The following AFAP1L2 variants were observed in gnomAD, a reference collection of about 807,000 sequenced individuals.
The protein encoded by AFAP1L2 is actin filament-associated protein 1-like 2.
A neutral mutation model predicts 99.3 loss-of-function variants in AFAP1L2; 46 were observed. The ratio of observed to expected loss-of-function variants is 0.46; its 90% CI spans 0.37 to 0.59. The LOEUF is 0.59. Among genes scored for constraint, AFAP1L2 ranks in the 20% least tolerant of loss-of-function variants. The pLI, the probability that AFAP1L2 is intolerant of heterozygous loss-of-function variation, is 0.00. For missense variants in AFAP1L2, 959 were observed against 1,034.9 expected (o/e 0.93, Z 1.01); for synonymous variants, 397 against 419.1 (o/e 0.95, Z 0.64).
Position 114,355,256 on chromosome 10 carries a change from C to CTTT in AFAP1L2, c.17-14528_17-14526dup, listed in dbSNP as rs35562783. ...AGAAGCCTTTCTCTTCTCGCTCTCT[C>CTTT]TTTTTTTTTTTTTTTTGAGACGGAG... On this transcript the variant is annotated intron_variant, in intron 1 of 18. Coordinates refer to ENST00000304129, the MANE Select transcript of AFAP1L2 (RefSeq NM_001001936.3). Among the ~76,000 whole-genome samples the CTTT allele has an allele frequency of 5.3e-5, 7 of 133,118 alleles. 1 individual carries two copies. The highest frequency in any genetic ancestry group is 7.5e-5 in the Admixed American group (1 of 13,332). 87.3% of individuals were successfully genotyped at this position (133,118 alleles called of 152,430 possible). A position where few individuals can be genotyped will look rare whatever the true frequency, so the allele number is the denominator to read the frequency against.
intron 1 of AFAP1L2, among the ~76,000 whole-genome samples, chr10:114,383,742 T>C (rs111689209): frequency 0.017 from 2,603 of 152,270 alleles, 87 homozygotes; most frequent in African/African-American, 0.059. Flanking sequence ...GTTTACCACA[T>C]TGGGTCCAAC....
the AFAP1L2 span, chr10:114,281,626 T>C: frequency 1.8e-6 from 1 of 547,198 alleles, no homozygotes; most frequent in Non-Finnish European, 2.3e-6. Flanking sequence ...TCCAGTGGCT[T>C]ACATGTCTTG....
In AFAP1L2 at chr10:114,314,867, G is replaced by A. The variant is rs566082267; in HGVS notation, c.612+693C>T. Among the ~76,000 whole-genome samples the A allele has an allele frequency of 3.9e-5, 6 of 152,304 alleles. No individual in the cohort carries two copies. The East Asian group carries it at 9.6e-4, about 24-fold the overall frequency. On this transcript the variant is annotated intron_variant, in intron 6 of 18. Transcript: ENST00000304129. ...AGATAAAAACAGTAGCCAGGGCTGG[G>A]CGCAGTGGCTCACGCCTGTAAACCC...
intron 1 of AFAP1L2, among the ~76,000 whole-genome samples, chr10:114,344,596 G>C (rs1255385548): frequency 6.6e-6 from 1 of 152,186 alleles, no homozygotes; most frequent in African/African-American, 2.4e-5. Context: ...CTGGCCCTGG[G>C]GAAACAAAGG....
At chr10:114,316,763 A>C (rs755048058) in intron 5 of AFAP1L2, among the ~76,000 whole-genome samples, 42 of 152,176 alleles carry the variant, frequency 2.8e-4, no homozygotes, top group South Asian at 8.3e-4. Context: ...CTCTCTCTCT[A>C]TTCATCCATC....
Position 114,375,736 on chromosome 10 carries a change from G to C in AFAP1L2, c.16+28704C>G, listed in dbSNP as rs565624632. 1.1e-4 allele frequency among the ~76,000 whole-genome samples: 17 copies of C among 152,300 alleles called. No homozygotes were observed. In the East Asian group the frequency reaches 3.1e-3, roughly 28 times the overall value. On this transcript the variant is annotated intron_variant, in intron 1 of 18. Coordinates refer to ENST00000304129, the MANE Select transcript of AFAP1L2 (RefSeq NM_001001936.3). The stretch of plus-strand genomic sequence containing the variant: ...CACCTGTAATTCCAACATTTTTGAA[G>C]GATAAGGAGGGAGGATTGCTTGAGT...
At chr10:114,370,900 C>T (rs2054002754) in intron 1 of AFAP1L2, among the ~76,000 whole-genome samples, 1 of 152,348 alleles carries the variant, frequency 6.6e-6, no homozygotes, top group East Asian at 1.9e-4. Context: ...TTCCATAAAT[C>T]CCATGTAACC....
Position 114,350,364 on chromosome 10 carries a change from G to T in AFAP1L2, c.17-9633C>A, listed in dbSNP as rs1452656702. The stretch of plus-strand genomic sequence containing the variant: ...GTTGTCCCATGGATGCAAGTCCTTT[G>T]TCCCCAAATGAAATTGAAACTTCTG... On this transcript the variant is annotated intron_variant, in intron 1 of 18. Transcript: ENST00000304129. Among the ~76,000 whole-genome samples, 3 of 152,156 alleles carry T rather than the reference G, an allele frequency of 2.0e-5. No individual in the cohort carries two copies. The East Asian group carries it at 5.8e-4, about 29-fold the overall frequency.
At chr10:114,334,517 C>G (rs2047654565) in intron 2 of AFAP1L2, among the ~76,000 whole-genome samples, 1 of 152,218 alleles carries the variant, frequency 6.6e-6, no homozygotes, top group African/African-American at 2.4e-5. Context: ...AAACTCCAGC[C>G]AACAGGCCTG....
intron 1 of AFAP1L2, among the ~76,000 whole-genome samples, chr10:114,381,463 G>T (rs630721): frequency 0.99 from 151,389 of 152,292 alleles, 75,251 homozygotes; most frequent in East Asian, 1. Flanking sequence ...GTTCTGAAAT[G>T]AACTGTGATG....
At chr10:114,404,630 C>CCCCAGCGCCCCTGT (rs562518069), upstream of AFAP1L2, 510 of 890,598 alleles carry the variant, frequency 5.7e-4, no homozygotes, top group Admixed American at 6.7e-4. Context: ...CAGGGCTCGC[C>CCCCAGCGCCCCTGT]CCCAGCGCCC....
intron 1 of AFAP1L2, among the ~76,000 whole-genome samples, chr10:114,392,845 G>A (rs139907149): frequency 2.0e-5 from 3 of 152,292 alleles, no homozygotes; most frequent in African/African-American, 4.8e-5. Context: ...CACTCCAATA[G>A]AACAAGGTCC....
rs369203123 is a variant in AFAP1L2 at position 114,315,643 on chromosome 10, G to A, written c.529C>T (p.Arg177Cys). ...TTGCGCCACAGGAAGGCGCAGATGC[G>A]GGCGTCACGCATCAGCTCGATGCCG... ...EAGIELMRDARICAFLWRKKW... is the reference protein window; with the variant it reads ...EAGIELMRDACICAFLWRKKW... The change falls in exon 6 of 19, where the codon CGC (arginine) becomes TGC (cysteine). Residue 177 changes from arginine to cysteine, a missense_variant. By Grantham distance (180) the Arg-to-Cys change is radical. This residue lies in a region of AFAP1L2 where 383 missense variants were observed against 472.8 expected (regional missense o/e 0.81). Coordinates refer to ENST00000304129, the MANE Select transcript of AFAP1L2 (RefSeq NM_001001936.3). The A allele has an allele frequency of 2.6e-5, 42 of 1,614,002 alleles. No individual in the cohort carries two copies. The highest frequency in any genetic ancestry group is 1.7e-4 in the Middle Eastern group (1 of 6,022).
intron 11 of AFAP1L2, 75 bp from the exon 12 acceptor site, chr10:114,302,559 T>C: frequency 6.3e-7 from 1 of 1,585,090 alleles, no homozygotes; most frequent in South Asian, 1.1e-5. Flanking sequence ...CACCAGGCCA[T>C]GACCGTACCC....
chr10:114,358,195 T>C (rs905087666), intron 1 of AFAP1L2, among the ~76,000 whole-genome samples: 5 of 152,206 alleles, frequency 3.3e-5, no homozygotes, highest in Non-Finnish European at 2.9e-5. Flanking sequence ...CAAGGATTAA[T>C]AGGTTTTATG....
the AFAP1L2 span, among the ~76,000 whole-genome samples, chr10:114,282,040 TACTC>T: frequency 6.7e-6 from 1 of 149,630 alleles, no homozygotes; most frequent in Non-Finnish European, 1.5e-5. Context: ...GATGGAGTCT[TACTC>T]TGTTACCCAG....
rs540278404 is a variant in AFAP1L2, at chr10:114,355,571, G to A, written c.17-14840C>T. On this transcript the variant is annotated intron_variant, in intron 1 of 18. Coordinates refer to ENST00000304129, the MANE Select transcript of AFAP1L2 (RefSeq NM_001001936.3). ...TTAAAAAAAAAAAAAGTTTTGCTGA[G>A]TTTTGCTGTGAACTTAAAACTGCTC... 2.0e-5 allele frequency among the ~76,000 whole-genome samples: 3 copies of A among 152,084 alleles called. No homozygotes were observed. The South Asian group carries it at 6.2e-4, about 32-fold the overall frequency.
intron 1 of AFAP1L2, among the ~76,000 whole-genome samples, chr10:114,350,001 T>A (rs2050220922): frequency 1.3e-5 from 2 of 152,128 alleles, no homozygotes; most frequent in African/African-American, 4.8e-5. Context: ...CCGTTGAAAC[T>A]GAGACAGGAC....
intron 1 of AFAP1L2, among the ~76,000 whole-genome samples, chr10:114,401,088 TC>T (rs2058187171): frequency 6.6e-6 from 1 of 152,240 alleles, no homozygotes; most frequent in African/African-American, 2.4e-5. Flanking sequence ...GCAGTTCATA[TC>T]TGCCTCCAAT....
Sources: allele counts gnomAD v4.1 joint callset (sites outside exome capture counted in the v4.1 genomes callset), GRCh38; gene constraint gnomAD v4.1.1; regional missense constraint gnomAD v4.1.1; transcripts MANE v1.5; gene names NCBI Gene and HGNC (gene_info 2026-07-23, HGNC 2026-07-21).